ERCC8: variants seen among roughly 807,000 people sequenced by gnomAD.
ERCC8 encodes DNA excision repair protein ERCC-8.
In ERCC8, 52 loss-of-function variants were observed where a neutral mutation model predicts 54.9. The ratio of observed to expected loss-of-function variants is 0.95; its 90% confidence interval spans 0.76 to 1.19. ERCC8 has a LOEUF of 1.19. Ranked by LOEUF, ERCC8 falls within the 50% of genes most tolerant of loss-of-function variation. The pLI, the probability that ERCC8 is intolerant of heterozygous loss-of-function variation, is 0.00. For synonymous variants in ERCC8, 146 were observed against 157.2 expected (o/e 0.93, Z 0.53); for missense variants, 514 against 466.1 (o/e 1.10, Z -0.95).
intron 4 of ERCC8, 107 bp downstream of exon 4, chr5:60,918,158 C>T: frequency 1.1e-6 from 1 of 901,582 alleles, no homozygotes. Context: ...GTACTGCTTT[C>T]ACATCTAACA....
intron 9 of ERCC8, chr5:60,892,702 T>C: frequency 1.5e-6 from 1 of 680,858 alleles, no homozygotes; most frequent in Non-Finnish European, 2.7e-6. Context: ...TAGATGTGGA[T>C]GCAGTTATGC....
chr5:60,938,042 TACATAC>T (rs373214701), intron 1 of ERCC8, among the ~76,000 whole-genome samples: 46,972 of 81,290 alleles, frequency 0.58, 11,921 homozygotes, highest in East Asian at 0.91. Flanking sequence ...CATACATACA[TACATAC>T]ATATATATAT....
intron 9 of ERCC8, chr5:60,892,170 G>A (rs1748581734): frequency 3.8e-6 from 2 of 521,846 alleles, no homozygotes; most frequent in African/African-American, 1.9e-5. Context: ...TCTACATTGA[G>A]TTTAGCCCAC....
intron 1 of ERCC8, among the ~76,000 whole-genome samples, chr5:60,943,456 T>C (rs987869468): frequency 3.9e-5 from 6 of 152,298 alleles, no homozygotes; most frequent in East Asian, 1.9e-4. Context: ...TGAATCAAAA[T>C]TGACCAATTT....
intron 2 of ERCC8, among the ~76,000 whole-genome samples, chr5:60,926,431 T>C (rs1485104095): frequency 6.6e-6 from 1 of 152,212 alleles, no homozygotes; most frequent in African/African-American, 2.4e-5. Context: ...ACTAGTAGCA[T>C]GTATTGATTT....
In ERCC8 at chr5:60,928,712, T is replaced by G. The variant is rs576469437; in HGVS notation, c.173+152A>C. 269 of 569,946 alleles carry G rather than the reference T, an allele frequency of 4.7e-4. 2 individuals carry two copies. The South Asian group carries it at 5.8e-3, about 12-fold the overall frequency. 35.3% of individuals were successfully genotyped at this position (569,946 alleles called of 1,614,324 possible). A position where few individuals can be genotyped will look rare whatever the true frequency, so the allele number is the denominator to read the frequency against. ...ATTTGGTAGGTTCGATGTTTTGTAT[T>G]TACTTGAAATTAATAATGCCAGATT... On this transcript the variant is annotated intron_variant, in intron 2 of 11. Coordinates refer to ENST00000676185, the MANE Select transcript of ERCC8 (RefSeq NM_000082.4).
At chr5:60,904,259 A>G (rs1364326429) in intron 5 of ERCC8, among the ~76,000 whole-genome samples, 1 of 152,110 alleles carries the variant, frequency 6.6e-6, no homozygotes, top group Admixed American at 6.6e-5. Context: ...CTTCACAGAT[A>G]AAAGAGGTAG....
intron 2 of ERCC8, among the ~76,000 whole-genome samples, chr5:60,923,404 T>C (rs1749657478): frequency 6.6e-6 from 1 of 152,150 alleles, no homozygotes; most frequent in Non-Finnish European, 1.5e-5. Context: ...GATTTTTCAA[T>C]ATGATCTTAT....
chr5:60,867,087 C>G lies in ERCC8; in HGVS notation c.*7528G>C, dbSNP rs537169902. The stretch of plus-strand genomic sequence containing the variant: ...TCCTGACCTCGTGATCCATCCACCT[C>G]AGCCTCCCAAAGTGCTGGGATTATA... On this transcript the variant is annotated 3_prime_UTR_variant, in exon 12 of 12. Coordinates refer to ENST00000676185, the MANE Select transcript of ERCC8 (RefSeq NM_000082.4). 6.6e-6 allele frequency among the ~76,000 whole-genome samples: 1 copy of G among 152,108 alleles called. No homozygotes were observed. The highest frequency in any genetic ancestry group is 2.4e-5 in the African/African-American group (1 of 41,416).
intron 1 of ERCC8, 37 bp from the exon 2 acceptor site, chr5:60,928,996 A>C: frequency 8.2e-7 from 1 of 1,220,734 alleles, no homozygotes; most frequent in Non-Finnish European, 1.2e-6. Flanking sequence ...ATTAACAAGT[A>C]ATTTAACATT....
At chr5:60,891,822 G>C in intron 9 of ERCC8, 1 of 341,202 alleles carries the variant, frequency 2.9e-6, no homozygotes, top group South Asian at 2.5e-5. Flanking sequence ...GTTGGGGAAG[G>C]GTTCTTTTAA....
chr5:60,906,193 G>A lies in ERCC8; in HGVS notation c.400-1320C>T, dbSNP rs577174256. 1.2e-4 allele frequency among the ~76,000 whole-genome samples: 19 copies of A among 152,174 alleles called. 1 individual carries two copies. The highest frequency in any genetic ancestry group is 4.6e-4 in the African/African-American group (19 of 41,522). On this transcript the variant is annotated intron_variant, in intron 4 of 11. Transcript: ENST00000676185. Reference sequence around the variant, plus strand: ...ATTTATTTATGAGACCAGGTTATGAGACTGGCTAATTTTTGTATTTTTGGT... The same window carrying A: ...ATTTATTTATGAGACCAGGTTATGAAACTGGCTAATTTTTGTATTTTTGGT...
At position 60,891,076 on chromosome 5, in the gene ERCC8, C is replaced by A; in HGVS notation, c.854G>T (p.Gly285Val). The A allele has an allele frequency of 6.2e-7, 1 of 1,602,348 alleles. No homozygotes were observed. The highest frequency in any genetic ancestry group is 1.1e-5 in the South Asian group (1 of 90,756). Residue 285 changes from glycine (G) to valine (V), a missense_variant, in exon 10 of 12, where the codon GGA (glycine) becomes GTA (valine). By Grantham distance (109) the Gly-to-Val change is moderately radical (BLOSUM62 -3). Coordinates refer to ENST00000676185, the MANE Select transcript of ERCC8 (RefSeq NM_000082.4). The stretch of plus-strand genomic sequence containing the variant: ...TTTTTTACTGTTATTACAAACTTTT[C>A]CATAGTTCACCTGTAGGATTAAAAT... ...SNGENTLVNYGKVCNNSKKGL... is the reference protein window; with the variant it reads ...SNGENTLVNYVKVCNNSKKGL...
Position 60,903,657 on chromosome 5 carries a change from T to C in ERCC8, c.541A>G (p.Ile181Val), listed in dbSNP as rs1259864552. Residue 181 changes from isoleucine to valine, a missense_variant, in exon 6 of 12, where the codon ATT becomes GTT. Ile to Val is a conservative substitution (Grantham distance 29). Coordinates refer to ENST00000676185, the MANE Select transcript of ERCC8 (RefSeq NM_000082.4). ...CDLKSGSCSH[I>V]LQGHRQEILA... ...AATAAAATAAAAATACCCTGTAGAA[T>C]GTGAGAACAGGATCCAGACTTCAAG... 2 of 1,612,610 alleles carry C rather than the reference T, an allele frequency of 1.2e-6. No individual in the cohort carries two copies. The highest frequency in any genetic ancestry group is 1.7e-6 in the Non-Finnish European group (2 of 1,179,060).
intron 11 of ERCC8, among the ~76,000 whole-genome samples, chr5:60,878,330 CTCTT>C (rs1561493088): frequency 6.6e-6 from 1 of 152,100 alleles, no homozygotes; most frequent in Non-Finnish European, 1.5e-5. Flanking sequence ...GTGTAAAATT[CTCTT>C]TTTTTGTTGT....
intron 4 of ERCC8, chr5:60,910,015 T>C (rs924750277): frequency 3.3e-5 from 5 of 151,886 alleles, no homozygotes; most frequent in African/African-American, 1.2e-4. Flanking sequence ...ACATATAACA[T>C]ACAAAGTTGT....
chr5:60,918,885 G>A (rs1490471514), intron 3 of ERCC8, among the ~76,000 whole-genome samples: 1 of 152,026 alleles, frequency 6.6e-6, no homozygotes, highest in Non-Finnish European at 1.5e-5. Flanking sequence ...GTAGGCCCAT[G>A]AGATTCACAT....
At chr5:60,920,889 G>C (rs1354002351) in intron 3 of ERCC8, among the ~76,000 whole-genome samples, 1 of 151,742 alleles carries the variant, frequency 6.6e-6, no homozygotes, top group African/African-American at 2.4e-5. Flanking sequence ...ATGTTAGCTA[G>C]GATAAAAATA....
chr5:60,893,403 T>A, intron 9 of ERCC8: 1 of 885,828 alleles, frequency 1.1e-6, no homozygotes, highest in South Asian at 1.3e-5. Flanking sequence ...TTCTCCCTCA[T>A]CTCCTCAACC....
Sources: allele counts gnomAD v4.1 joint callset (sites outside exome capture counted in the v4.1 genomes callset), GRCh38; gene constraint gnomAD v4.1.1; transcripts MANE v1.5; gene names NCBI Gene and HGNC (gene_info 2026-07-23, HGNC 2026-07-21).